The following PRTG variants were observed in gnomAD, a reference collection of about 807,000 sequenced individuals.
PRTG encodes the protein protogenin, also known as immunoglobulin superfamily, DCC subclass, member 5.
PRTG carries 67 observed loss-of-function variants against 122.5 expected under a neutral mutation model. The ratio of observed to expected loss-of-function variants is 0.55; its 90% CI spans 0.45 to 0.67. PRTG has a LOEUF of 0.67. Ranked by LOEUF, PRTG falls within the 30% of genes least tolerant of loss-of-function variation. PRTG has a pLI of 0.00. For missense variants in PRTG, 1,435 were observed against 1,415.4 expected, an observed-to-expected ratio of 1.01 and a Z score of -0.22; for synonymous variants, 554 against 501.1, an observed-to-expected ratio of 1.11 and a Z score of -1.41.
chr15:55,682,755 G>T (rs1224039638), intron 3 of PRTG, among the ~76,000 whole-genome samples: 12 of 151,880 alleles, frequency 7.9e-5, no homozygotes, highest in African/African-American at 2.9e-4. Flanking sequence ...TAGAGATGGG[G>T]TTTCACCATG....
At chr15:55,625,449 T>C (rs1186525662) in intron 17 of PRTG, among the ~76,000 whole-genome samples, 3 of 151,788 alleles carry the variant, frequency 2.0e-5, no homozygotes, top group African/African-American at 7.3e-5. Flanking sequence ...TGATTAATTG[T>C]GTTTTCTTTT....
Position 55,740,407 on chromosome 15 carries a change from A to G in PRTG, c.372T>C (p.Ser124=), listed in dbSNP as rs751802351. 6.2e-7 allele frequency: 1 copy of G among 1,606,442 alleles called. No homozygotes were observed. The highest frequency in any genetic ancestry group is 8.5e-7 in the Non-Finnish European group (1 of 1,176,128). ...TTGATAAGGCAAGATGAGCTTTTTG[A>G]CTAAGAATGGCTCCATATTTGTTCA... ...LAMNKYGAIL[S]QKAHLALSTI... The change falls in exon 2 of 20, where the codon AGT becomes AGC. Residue 124 remains serine, a synonymous_variant. Coordinates refer to ENST00000389286, the MANE Select transcript of PRTG (RefSeq NM_173814.6).
At chr15:55,728,312 T>G (rs568811546) in intron 2 of PRTG, among the ~76,000 whole-genome samples, 1 of 152,294 alleles carries the variant, frequency 6.6e-6, no homozygotes, top group South Asian at 2.1e-4. Context: ...AGACAGATAA[T>G]CACAAGAAAA....
chr15:55,721,496 C>T (rs1473174196), intron 2 of PRTG, among the ~76,000 whole-genome samples: 1 of 152,210 alleles, frequency 6.6e-6, no homozygotes, highest in Non-Finnish European at 1.5e-5. Flanking sequence ...CCAACAACAT[C>T]AAATAGTTTA....
In PRTG at chr15:55,683,899, T is replaced by C. The variant is rs764222041; in HGVS notation, c.430A>G (p.Thr144Ala). ...ISAFEVQPISTEVHEGGVARF... is the reference protein window; with the variant it reads ...ISAFEVQPISAEVHEGGVARF... ...GCAACTCCACCTTCGTGGACCTCAG[T>C]GGAAATTGGCTGGACTTCAAATGCA... Residue 144 changes from threonine to alanine, a missense_variant, in exon 3 of 20, where the codon ACT becomes GCT. By Grantham distance (58) the Thr-to-Ala change is moderately conservative. Coordinates refer to ENST00000389286, the MANE Select transcript of PRTG (RefSeq NM_173814.6). 1.9e-6 allele frequency: 3 copies of C among 1,613,732 alleles called. No individual in the cohort carries two copies. The highest frequency in any genetic ancestry group is 2.7e-5 in the African/African-American group (2 of 74,908).
At chr15:55,622,257 T>C (rs1394932013) in intron 18 of PRTG, among the ~76,000 whole-genome samples, 4 of 150,184 alleles carry the variant, frequency 2.7e-5, no homozygotes, top group Non-Finnish European at 5.9e-5. Context: ...TCGTTCTTGT[T>C]GCCCAGGCTG....
In PRTG at chr15:55,677,849, A is replaced by T; in HGVS notation, c.1329T>A (p.Leu443=). ...SAILLAWERP[L]YNSDKVIAYS... The stretch of plus-strand genomic sequence containing the variant: ...AGGCAATGACTTTGTCTGAATTATA[A>T]AGTGGCCTCTCCCAGGCTAAAAGAA... Residue 443 remains leucine, a synonymous_variant, in exon 8 of 20, where the codon CTT becomes CTA. Coordinates refer to ENST00000389286, the MANE Select transcript of PRTG (RefSeq NM_173814.6). 2 of 1,613,852 alleles carry T rather than the reference A, an allele frequency of 1.2e-6. No homozygotes were observed. The highest frequency in any genetic ancestry group is 1.7e-6 in the Non-Finnish European group (2 of 1,179,810).
intron 15 of PRTG, among the ~76,000 whole-genome samples, chr15:55,631,554 G>C (rs563665850): frequency 3.3e-5 from 5 of 152,260 alleles, no homozygotes; most frequent in African/African-American, 1.2e-4. Context: ...ATACTGAAGT[G>C]ATCTCAGTGA....
Position 55,734,990 on chromosome 15 carries a change from T to C in PRTG, c.397+5392A>G, listed in dbSNP as rs77257823. Among the ~76,000 whole-genome samples, 556 of 152,362 alleles carry C rather than the reference T, an allele frequency of 3.6e-3. 26 individuals carry two copies. In the East Asian group the frequency reaches 0.098, roughly 27 times the overall value. On this transcript the variant is annotated intron_variant, in intron 2 of 19. Coordinates refer to ENST00000389286, the MANE Select transcript of PRTG (RefSeq NM_173814.6). ...GTGCAGCATACCATGTTAGGGCAAC[T>C]GCAAATATTACTTAAATGATTACAA... is the stretch of plus-strand genomic sequence containing the variant.
intron 2 of PRTG, among the ~76,000 whole-genome samples, chr15:55,713,821 G>A (rs1189724318): frequency 5.3e-5 from 8 of 151,772 alleles, no homozygotes; most frequent in African/African-American, 1.7e-4. Context: ...ATTTAGATTC[G>A]CTGCATGTCT....
At chr15:55,660,765 T>C (rs1361095957) in intron 11 of PRTG, among the ~76,000 whole-genome samples, 1 of 152,190 alleles carries the variant, frequency 6.6e-6, no homozygotes, top group African/African-American at 2.4e-5. Context: ...AATAAAGCAG[T>C]AAAATAAATT....
chr15:55,663,435 A>C lies in PRTG; in HGVS notation c.2041+9010T>G, dbSNP rs1346187128. ...CAACCACCACAACCAGAAAAAGAAC[A>C]ATTTCATCACATCCAGAAGCTCCCA... On this transcript the variant is annotated intron_variant, in intron 11 of 19. Transcript: ENST00000389286. 3.3e-5 allele frequency among the ~76,000 whole-genome samples: 5 copies of C among 152,196 alleles called. No individual in the cohort carries two copies. The East Asian group carries it at 5.8e-4, about 18-fold the overall frequency.
At position 55,632,899 on chromosome 15, in the gene PRTG, T is replaced by A. The variant is rs187995680; in HGVS notation, c.2624-3895A>T. Reference sequence around the variant, plus strand: ...TAGAATAGAGCCTGGCACATAGTCATCACTCAGTAAGAATTAGTTTAGTAA... The same window carrying A: ...TAGAATAGAGCCTGGCACATAGTCAACACTCAGTAAGAATTAGTTTAGTAA... On this transcript the variant is annotated intron_variant, in intron 15 of 19. Coordinates refer to ENST00000389286, the MANE Select transcript of PRTG (RefSeq NM_173814.6). Among the ~76,000 whole-genome samples the A allele has an allele frequency of 2.5e-3, 376 of 152,340 alleles. 4 individuals are homozygous for A. Among genetic ancestry groups the A allele is most frequent in the African/African-American group, 8.9e-3 (371 of 41,584 alleles).
At chr15:55,668,766 C>T (rs1243063292) in intron 11 of PRTG, among the ~76,000 whole-genome samples, 1 of 151,978 alleles carries the variant, frequency 6.6e-6, no homozygotes, top group African/African-American at 2.4e-5. Context: ...CATCACTCTG[C>T]CAATATTTAT....
chr15:55,627,101 T>C lies in PRTG; in HGVS notation c.2834A>G (p.Gln945Arg), dbSNP rs2059199183. 3 of 1,605,838 alleles carry C rather than the reference T, an allele frequency of 1.9e-6. No individual in the cohort carries two copies. Among genetic ancestry groups the C allele is most frequent in the Non-Finnish European group, 2.6e-6 (3 of 1,173,078 alleles). The part of the protein sequence containing the change: ...KVYSGYYHLD[Q>R]KSMTGIAVGV... ...TACAGCAATGCCAGTCATTGATTTT[T>C]GGTCCAGATGGTAATATCCTGAATA... Residue 945 changes from glutamine to arginine, a missense_variant, in exon 17 of 20, where the codon CAA becomes CGA. Transcript: ENST00000389286.
intron 2 of PRTG, among the ~76,000 whole-genome samples, chr15:55,731,917 A>G (rs1409409845): frequency 1.3e-5 from 2 of 152,214 alleles, no homozygotes; most frequent in South Asian, 4.1e-4. Context: ...TCATGTGAAC[A>G]TCATAGAGCA....
intron 2 of PRTG, among the ~76,000 whole-genome samples, chr15:55,734,921 T>G (rs2031361913): frequency 6.6e-6 from 1 of 152,226 alleles, no homozygotes; most frequent in Non-Finnish European, 1.5e-5. Flanking sequence ...ACCTTTTTTG[T>G]ACACTGCAAT....
chr15:55,713,155 A>G (rs1448523885), intron 2 of PRTG, among the ~76,000 whole-genome samples: 1 of 152,054 alleles, frequency 6.6e-6, no homozygotes, highest in Non-Finnish European at 1.5e-5. Flanking sequence ...TATAAGAACT[A>G]TTTTGTACTT....
At chr15:55,692,835 C>CTTTTTTTTTTTT (rs774248341) in intron 2 of PRTG, among the ~76,000 whole-genome samples, 1 of 74,952 alleles carries the variant, frequency 1.3e-5, no homozygotes, top group Non-Finnish European at 2.4e-5. Flanking sequence ...AATGCAATCT[C>CTTTTTTTTTTTT]TTTTTTTTTT....
Sources: gnomAD v4.1 joint callset for allele counts (sites outside exome capture counted in the v4.1 genomes callset) on GRCh38, gnomAD v4.1.1 for gene constraint, MANE v1.5 for transcripts, NCBI Gene and HGNC (gene_info 2026-07-23, HGNC 2026-07-21) for gene names.